VPS13B: variants seen among roughly 807,000 people sequenced by gnomAD.
VPS13B encodes intermembrane lipid transfer protein VPS13B.
Under a neutral mutation model 426.4 loss-of-function variants are expected in VPS13B, and 285 were observed. The observed-to-expected ratio is 0.67, with a 90% CI of 0.61 to 0.74. The LOEUF (loss-of-function observed/expected upper bound fraction) is 0.74. VPS13B is among the 30% of genes least tolerant of loss of function. The pLI is 0.00. For synonymous variants in VPS13B, 1,676 were observed against 1,676.4 expected (o/e 1.00, Z 0.01); for missense variants, 4,537 against 4,782.6 (o/e 0.95, Z 1.51).
In VPS13B at chr8:99,075,826, A is replaced by T. The variant is rs76025541; in HGVS notation, c.292-20486A>T. Among the ~76,000 whole-genome samples the T allele has an allele frequency of 4.1e-3, 619 of 152,256 alleles. 4 individuals carry two copies. The highest frequency in any genetic ancestry group is 0.014 in the African/African-American group (573 of 41,560). On this transcript the variant is annotated intron_variant, in intron 3 of 61. Transcript: ENST00000357162. The stretch of plus-strand genomic sequence containing the variant: ...GTTGATTTTATCTTTTCAAAAAGCT[A>T]ACTTTTTGTTTCATTGATCATGTAT...
chr8:99,833,538 C>T (rs947189461), intron 52 of VPS13B, among the ~76,000 whole-genome samples: 2 of 152,062 alleles, frequency 1.3e-5, no homozygotes, highest in African/African-American at 4.8e-5. Context: ...CTCCACACAT[C>T]CCTCCTTCGT....
intron 39 of VPS13B, among the ~76,000 whole-genome samples, chr8:99,739,221 C>G (rs992390445): frequency 3.3e-5 from 5 of 152,340 alleles, no homozygotes; most frequent in Admixed American, 2.6e-4. Context: ...GAGCCTCGCT[C>G]ATTGCTAGCA....
intron 17 of VPS13B, among the ~76,000 whole-genome samples, chr8:99,198,902 T>C (rs1167600390): frequency 6.6e-6 from 1 of 151,948 alleles, no homozygotes; most frequent in Non-Finnish European, 1.5e-5. Flanking sequence ...GCTTAAAGGA[T>C]TGTGCCTTCA....
chr8:99,050,044 T>A lies in VPS13B; in HGVS notation c.291+11478T>A, dbSNP rs187677366. On this transcript the variant is annotated intron_variant, in intron 3 of 61. Coordinates refer to ENST00000357162, the MANE Select transcript of VPS13B (RefSeq NM_152564.5). ...TTTTTATTTTTTTATTTATCTTTTT[T>A]AAATTATACTTTGAGTTTTAGGGTA... 2.4e-4 allele frequency among the ~76,000 whole-genome samples: 37 copies of A among 152,162 alleles called. No individual in the cohort carries two copies. The East Asian group carries it at 3.7e-3, about 15-fold the overall frequency.
At chr8:99,837,843 C>T (rs1478737742) in intron 54 of VPS13B, among the ~76,000 whole-genome samples, 1 of 152,162 alleles carries the variant, frequency 6.6e-6, no homozygotes, top group Non-Finnish European at 1.5e-5. Flanking sequence ...GTTTGTCTTC[C>T]AGGAACCTTC....
chr8:99,746,334 T>A (rs1305936923), intron 39 of VPS13B, among the ~76,000 whole-genome samples: 1 of 152,120 alleles, frequency 6.6e-6, no homozygotes, highest in Non-Finnish European at 1.5e-5. Flanking sequence ...ATTGATCAGG[T>A]AGTATTAGTC....
At chr8:99,229,137 C>A (rs994290478) in intron 17 of VPS13B, among the ~76,000 whole-genome samples, 9 of 152,046 alleles carry the variant, frequency 5.9e-5, no homozygotes, top group African/African-American at 2.2e-4. Flanking sequence ...AGAGCAACAC[C>A]TGTGAAAAAA....
intron 21 of VPS13B, among the ~76,000 whole-genome samples, chr8:99,394,367 G>T (rs1212438786): frequency 6.6e-6 from 1 of 152,112 alleles, no homozygotes; most frequent in Non-Finnish European, 1.5e-5. Context: ...TAATTATTCA[G>T]TTAGAAGCAG....
At chr8:99,518,642 C>T (rs1476888589) in intron 29 of VPS13B, among the ~76,000 whole-genome samples, 1 of 152,144 alleles carries the variant, frequency 6.6e-6, no homozygotes, top group Admixed American at 6.5e-5. Context: ...TTATTTCTCT[C>T]ACTGAATATC....
At chr8:99,628,551 A>C (rs1428638186) in intron 33 of VPS13B, among the ~76,000 whole-genome samples, 1 of 152,218 alleles carries the variant, frequency 6.6e-6, no homozygotes. Context: ...CATATGTAGC[A>C]GTGGACAAGA....
intron 3 of VPS13B, among the ~76,000 whole-genome samples, chr8:99,067,248 G>A (rs1265833651): frequency 6.6e-6 from 1 of 152,170 alleles, no homozygotes; most frequent in Admixed American, 6.5e-5. Context: ...CAACCCAAAT[G>A]TCTGTCAATG....
intron 21 of VPS13B, among the ~76,000 whole-genome samples, chr8:99,400,100 T>C (rs1170705984): frequency 2.6e-5 from 4 of 152,234 alleles, no homozygotes; most frequent in Non-Finnish European, 5.9e-5. Flanking sequence ...GAGCATAGAC[T>C]TCATTAAATT....
chr8:99,157,647 C>T (rs146286065), intron 15 of VPS13B, among the ~76,000 whole-genome samples: 30 of 152,222 alleles, frequency 2.0e-4, no homozygotes, highest in African/African-American at 6.7e-4. Context: ...TGTAAATCTT[C>T]AAGTGAAAGG....
intron 33 of VPS13B, among the ~76,000 whole-genome samples, chr8:99,587,955 G>A (rs571813766): frequency 6.6e-6 from 1 of 151,854 alleles, no homozygotes; most frequent in East Asian, 1.9e-4. Context: ...ATGGTTTTAG[G>A]TCTAACGTTT....
At chr8:99,717,985 ATTTGTGTACGACTT>A (rs1832988969) in intron 37 of VPS13B, among the ~76,000 whole-genome samples, 1 of 151,882 alleles carries the variant, frequency 6.6e-6, no homozygotes. Flanking sequence ...TGCCATGACC[ATTTGTGTACGACTT>A]TTTGTGTGGA....
At chr8:99,840,166 T>C (rs1179431403) in intron 54 of VPS13B, among the ~76,000 whole-genome samples, 1 of 152,248 alleles carries the variant, frequency 6.6e-6, no homozygotes, top group African/African-American at 2.4e-5. Context: ...TCTAACCAGC[T>C]ATTAACTCCC....
chr8:99,093,212 G>A (rs1011655839), intron 3 of VPS13B, among the ~76,000 whole-genome samples: 2 of 151,862 alleles, frequency 1.3e-5, no homozygotes, highest in African/African-American at 4.8e-5. Context: ...GGAAAGAACA[G>A]CACTTGAAAA....
chr8:99,712,827 A>C (rs2130284797), intron 36 of VPS13B, among the ~76,000 whole-genome samples: 1 of 151,966 alleles, frequency 6.6e-6, no homozygotes, highest in East Asian at 1.9e-4. Flanking sequence ...GTTTTCTAAT[A>C]ATTCAAGTCT....
chr8:99,057,491 C>T (rs1843942814), intron 3 of VPS13B, among the ~76,000 whole-genome samples: 1 of 152,142 alleles, frequency 6.6e-6, no homozygotes. Context: ...TGCTACCTAT[C>T]CCACATTTAA....
Sources: allele counts gnomAD v4.1 joint callset (sites outside exome capture counted in the v4.1 genomes callset), GRCh38; gene constraint gnomAD v4.1.1; transcripts MANE v1.5; gene names NCBI Gene and HGNC (gene_info 2026-07-23, HGNC 2026-07-21).